Variants in ROR2 observed in about 807,000 individuals in gnomAD.
The protein encoded by ROR2 is tyrosine-protein kinase transmembrane receptor ROR2.
In ROR2, 33 loss-of-function variants were observed where a neutral mutation model predicts 74.9. That is an observed-to-expected ratio of 0.44 (90% CI 0.33 to 0.59). The LOEUF is 0.59. Ranked by LOEUF, ROR2 falls within the 20% of genes least tolerant of loss-of-function variation. ROR2 has a pLI of 0.02. For missense variants in ROR2, 1,216 were observed against 1,313.8 expected, an observed-to-expected ratio of 0.93 and a Z score of 1.15; for synonymous variants, 586 against 558.7, an observed-to-expected ratio of 1.05 and a Z score of -0.69.
intron 1 of ROR2, among the ~76,000 whole-genome samples, chr9:91,947,817 TAAC>T (rs1158802312): frequency 6.6e-6 from 1 of 152,170 alleles, no homozygotes; most frequent in Non-Finnish European, 1.5e-5. Context: ...CACACTCAAA[TAAC>T]AGGGACTCCT....
At chr9:91,748,002 TACA>T (rs1825481498) in intron 4 of ROR2, among the ~76,000 whole-genome samples, 1 of 152,234 alleles carries the variant, frequency 6.6e-6, no homozygotes, top group African/African-American at 2.4e-5. Context: ...AGATCGGTTT[TACA>T]ACATGACTAT....
intron 1 of ROR2, among the ~76,000 whole-genome samples, chr9:91,806,295 G>A (rs1827544737): frequency 6.6e-6 from 1 of 152,174 alleles, no homozygotes; most frequent in Non-Finnish European, 1.5e-5. Flanking sequence ...CCACTTCTTG[G>A]TTCATAGACA....
intron 2 of ROR2, among the ~76,000 whole-genome samples, chr9:91,758,748 A>G (rs1399127897): frequency 1.3e-5 from 2 of 152,178 alleles, no homozygotes; most frequent in Admixed American, 6.5e-5. Flanking sequence ...GAACAAGGGG[A>G]AGTGAAAGGG....
chr9:91,858,972 G>C (rs1829385032), intron 1 of ROR2, among the ~76,000 whole-genome samples: 1 of 152,074 alleles, frequency 6.6e-6, no homozygotes, highest in African/African-American at 2.4e-5. Context: ...GTGTCACCGG[G>C]GACACCAGGC....
intron 1 of ROR2, among the ~76,000 whole-genome samples, chr9:91,785,067 A>G (rs1564274665): frequency 6.6e-6 from 1 of 152,124 alleles, no homozygotes; most frequent in Non-Finnish European, 1.5e-5. Context: ...CACTAGCCCT[A>G]CACACATGGA....
intron 2 of ROR2, among the ~76,000 whole-genome samples, chr9:91,768,408 C>G (rs774374700): frequency 2.0e-5 from 3 of 152,202 alleles, no homozygotes; most frequent in Non-Finnish European, 4.4e-5. Context: ...CCCAAAGAGA[C>G]AGAGACATGG....
chr9:91,795,656 G>A (rs1358385148), intron 1 of ROR2, among the ~76,000 whole-genome samples: 1 of 152,114 alleles, frequency 6.6e-6, no homozygotes, highest in African/African-American at 2.4e-5. Flanking sequence ...TTGTTTCCGA[G>A]CTTTTCCTTG....
intron 1 of ROR2, among the ~76,000 whole-genome samples, chr9:91,847,693 G>C (rs533927808): frequency 5.1e-4 from 77 of 152,290 alleles, no homozygotes; most frequent in Middle Eastern, 3.4e-3. Context: ...GCAGGCCTGA[G>C]AATGAACCCC....
At position 91,723,035 on chromosome 9, in the gene ROR2, T is replaced by A. The variant is rs1248530916; in HGVS notation, c.*627A>T. 6.1e-6 allele frequency: 1 copy of A among 164,200 alleles called. No individual in the cohort carries two copies. The highest frequency in any genetic ancestry group is 1.3e-5 in the Non-Finnish European group (1 of 75,046). 10.2% of individuals were successfully genotyped at this position (164,200 alleles called of 1,614,324 possible). ...AACCATTTCACCAAATACAAAGCTG[T>A]CAGTTTCTTTGAAGGCACACATTTT... is the stretch of plus-strand genomic sequence containing the variant. On this transcript the variant is annotated 3_prime_UTR_variant, in exon 9 of 9. Coordinates refer to ENST00000375708, the MANE Select transcript of ROR2 (RefSeq NM_004560.4).
intron 1 of ROR2, among the ~76,000 whole-genome samples, chr9:91,814,029 G>T (rs1439980285): frequency 2.0e-5 from 3 of 152,290 alleles, no homozygotes; most frequent in Admixed American, 2.0e-4. Context: ...CTGTCAAGAA[G>T]AAAAATGTTC....
intron 1 of ROR2, among the ~76,000 whole-genome samples, chr9:91,929,964 GA>G (rs1243042406): frequency 2.6e-5 from 4 of 152,168 alleles, no homozygotes; most frequent in Non-Finnish European, 4.4e-5. Context: ...TTCATTCCCA[GA>G]TCTGTGTCCT....
rs544395895 is a variant in ROR2, at chr9:91,737,831, A to C, written c.495-313T>G. 1.4e-4 allele frequency among the ~76,000 whole-genome samples: 22 copies of C among 152,332 alleles called. No homozygotes were observed. The South Asian group carries it at 4.1e-3, about 29-fold the overall frequency. On this transcript the variant is annotated intron_variant, in intron 4 of 8. Transcript: ENST00000375708. ...AAAAAATGAGCTATCAAGCCACAAA[A>C]AGAGAGGAAACTTACATGCATATTA...
chr9:91,811,304 G>C (rs536030164), intron 1 of ROR2, among the ~76,000 whole-genome samples: 2 of 152,204 alleles, frequency 1.3e-5, no homozygotes, highest in African/African-American at 4.8e-5. Context: ...GGGAGCGCAG[G>C]GCCCACATGG....
chr9:91,726,118 T>C (rs4073736), intron 8 of ROR2, among the ~76,000 whole-genome samples: 78,128 of 152,082 alleles, frequency 0.51, 20,942 homozygotes, highest in African/African-American at 0.66. Context: ...CCTACTCCCA[T>C]TTAAGAGCTA....
At chr9:91,797,043 G>A (rs1160831726) in intron 1 of ROR2, among the ~76,000 whole-genome samples, 2 of 106,670 alleles carry the variant, frequency 1.9e-5, no homozygotes, top group Non-Finnish European at 3.8e-5. Flanking sequence ...TGTGGATGGG[G>A]CTGACACCCT....
intron 1 of ROR2, among the ~76,000 whole-genome samples, chr9:91,841,354 C>A (rs1261972536): frequency 6.6e-6 from 1 of 152,216 alleles, no homozygotes; most frequent in Non-Finnish European, 1.5e-5. Context: ...CACACCAACA[C>A]TTTAAATGCT....
chr9:91,782,039 G>A (rs1826637127), intron 1 of ROR2, among the ~76,000 whole-genome samples: 1 of 152,246 alleles, frequency 6.6e-6, no homozygotes, highest in Non-Finnish European at 1.5e-5. Flanking sequence ...CTGAATTGAG[G>A]CCTTTCACAG....
intron 1 of ROR2, among the ~76,000 whole-genome samples, chr9:91,875,408 G>A (rs529105955): frequency 3.6e-4 from 55 of 152,280 alleles, no homozygotes; most frequent in Middle Eastern, 3.4e-3. Flanking sequence ...GGAACTAATT[G>A]TTTAATTTTC....
chr9:91,737,429 G>C lies in ROR2; in HGVS notation c.584C>G (p.Ser195Trp). The C allele has an allele frequency of 6.2e-7, 1 of 1,614,100 alleles. No individual in the cohort carries two copies. Among genetic ancestry groups the C allele is most frequent in the South Asian group, 1.1e-5 (1 of 91,076 alleles). ...TTCAATCTCCCCCTGCATCTGAAGC[G>C]AGTCCACATAAATGGTCCGGTTGCC... ...FIGNRTIYVD[S>W]LQMQGEIENR... Residue 195 changes from serine (S) to tryptophan (W), a missense_variant, in exon 5 of 9, where the codon TCG becomes TGG. Coordinates refer to ENST00000375708, the MANE Select transcript of ROR2 (RefSeq NM_004560.4).
Sources: gnomAD v4.1 joint callset for allele counts (sites outside exome capture counted in the v4.1 genomes callset) on GRCh38, gnomAD v4.1.1 for gene constraint, MANE v1.5 for transcripts, NCBI Gene and HGNC (gene_info 2026-07-23, HGNC 2026-07-21) for gene names.